Variants in CALD1 observed in about 807,000 individuals in gnomAD.
CALD1 encodes the protein caldesmon.
CALD1 carries 33 observed loss-of-function variants against 99.9 expected under a neutral mutation model. The ratio of observed to expected loss-of-function variants is 0.33; its 90% CI spans 0.25 to 0.44. The LOEUF is 0.44. Among genes scored for constraint, CALD1 ranks in the 20% least tolerant of loss-of-function variants. The probability of loss-of-function intolerance (pLI) is 1.00; values close to 1 mark genes in which losing one functional copy is unlikely to be tolerated. For missense variants in CALD1, 861 were observed against 962.1 expected (o/e 0.89, Z 1.39); for synonymous variants, 310 against 325.0 (o/e 0.95, Z 0.50).
At chr7:134,803,820 T>G (rs1798036214) in intron 1 of CALD1, among the ~76,000 whole-genome samples, 1 of 151,976 alleles carries the variant, frequency 6.6e-6, no homozygotes. Flanking sequence ...CTCAGCCTCC[T>G]GAATAGCTGG....
At chr7:134,804,158 C>T (rs1041548395) in intron 1 of CALD1, among the ~76,000 whole-genome samples, 1 of 152,192 alleles carries the variant, frequency 6.6e-6, no homozygotes, top group Admixed American at 6.5e-5. Context: ...CATACAATCT[C>T]CCCGTTCAAT....
chr7:134,826,051 AT>A (rs991330331), intron 1 of CALD1, among the ~76,000 whole-genome samples: 2 of 151,224 alleles, frequency 1.3e-5, no homozygotes, highest in South Asian at 2.1e-4. Context: ...TACTGTTTAT[AT>A]AAAAAAAACT....
chr7:134,925,953 C>A (rs73454264), intron 3 of CALD1, among the ~76,000 whole-genome samples: 5,649 of 152,228 alleles, frequency 0.037, 320 homozygotes, highest in African/African-American at 0.13. Flanking sequence ...TTGATTCTCC[C>A]TGTTGCGGTT....
At chr7:134,917,710 T>A (rs551336307) in intron 3 of CALD1, among the ~76,000 whole-genome samples, 112 of 152,316 alleles carry the variant, frequency 7.4e-4, no homozygotes, top group African/African-American at 2.6e-3. Context: ...AGGTTGGGGA[T>A]GAAGAAAAGG....
At chr7:134,967,290 T>A (rs1808746773) in intron 14 of CALD1, among the ~76,000 whole-genome samples, 1 of 140,074 alleles carries the variant, frequency 7.1e-6, no homozygotes, top group African/African-American at 2.5e-5. Context: ...AGTAATAATA[T>A]AACCACCAGA....
chr7:134,774,895 A>C (rs867772042), upstream of CALD1, among the ~76,000 whole-genome samples: 1 of 152,088 alleles, frequency 6.6e-6, no homozygotes, highest in African/African-American at 2.4e-5. Flanking sequence ...TTGCTTTACT[A>C]TCAGTCTGGA....
chr7:134,853,876 CGACAGGTCCCAGTGTGTGATGTT>C (rs1800186499), intron 2 of CALD1, among the ~76,000 whole-genome samples: 1 of 140,742 alleles, frequency 7.1e-6, no homozygotes, highest in African/African-American at 2.7e-5. Flanking sequence ...ACCCCCACCC[CGACAGGTCCCAGTGTGTGATGTT>C]CCCCTCCCTG....
chr7:134,713,922 T>C, the CALD1 span, among the ~76,000 whole-genome samples: 1 of 152,142 alleles, frequency 6.6e-6, no homozygotes, highest in Non-Finnish European at 1.5e-5. Flanking sequence ...CAGGTCAACT[T>C]GTAATCCCCA....
At chr7:134,918,900 G>A (rs116506854) in intron 3 of CALD1, among the ~76,000 whole-genome samples, 231 of 152,298 alleles carry the variant, frequency 1.5e-3, no homozygotes, top group African/African-American at 5.3e-3. Flanking sequence ...GGGGGCTGAG[G>A]TGGGTGGATC....
rs1289697937 is a variant in CALD1, at chr7:134,779,669, G to T, written c.-210G>T. ...CGGCTGCCTGCCTGCCCGCCTGCTTGCTCTCTGGCTGTGCTCCTGCTTAAA... is the reference window on the plus strand; with the variant it reads ...CGGCTGCCTGCCTGCCCGCCTGCTTTCTCTCTGGCTGTGCTCCTGCTTAAA... On this transcript the variant is annotated 5_prime_UTR_variant, in exon 1 of 15. Coordinates refer to ENST00000361675, the MANE Select transcript of CALD1 (RefSeq NM_033138.4). 4 of 398,780 alleles carry T rather than the reference G, an allele frequency of 1.0e-5. No homozygotes were observed. The highest frequency in any genetic ancestry group is 1.8e-5 in the Non-Finnish European group (4 of 226,226). 24.7% of individuals were successfully genotyped at this position (398,780 alleles called of 1,614,324 possible).
intron 1 of CALD1, among the ~76,000 whole-genome samples, chr7:134,808,076 A>C (rs1163990173): frequency 6.6e-6 from 1 of 150,952 alleles, no homozygotes; most frequent in Admixed American, 6.6e-5. Flanking sequence ...AGCCTGTTCC[A>C]TACATTTGGT....
chr7:134,766,435 C>T (rs1411600681), intron 1 of CALD1, among the ~76,000 whole-genome samples: 6 of 152,066 alleles, frequency 3.9e-5, no homozygotes, highest in Middle Eastern at 3.2e-3. Flanking sequence ...CATGAGCCAC[C>T]GCACCCGGCC....
chr7:134,960,851 T>C, intron 13 of CALD1: 3 of 369,800 alleles, frequency 8.1e-6, no homozygotes, highest in Non-Finnish European at 1.5e-5. Flanking sequence ...CTCTACACCC[T>C]AACTGAGAGG....
the CALD1 span, among the ~76,000 whole-genome samples, chr7:134,730,152 A>G: frequency 1.3e-5 from 2 of 152,058 alleles, no homozygotes; most frequent in Non-Finnish European, 2.9e-5. Flanking sequence ...CCAAACCAGG[A>G]TTCAAATCCT....
chr7:134,753,023 CAAAAAAAAACAA>C (rs1562988968), intron 1 of CALD1, among the ~76,000 whole-genome samples: 6 of 48,650 alleles, frequency 1.2e-4, no homozygotes, highest in East Asian at 5.8e-3. Context: ...AAAAAAAAAA[CAAAAAAAAACAA>C]AAAAAAAAAA....
At chr7:134,950,891 A>C (rs1004934685) in intron 9 of CALD1, among the ~76,000 whole-genome samples, 1 of 152,204 alleles carries the variant, frequency 6.6e-6, no homozygotes, top group Non-Finnish European at 1.5e-5. Context: ...CCCAGGAGGC[A>C]GAGGTTGCAG....
chr7:134,914,440 A>C (rs532241304), intron 3 of CALD1, among the ~76,000 whole-genome samples: 1 of 152,272 alleles, frequency 6.6e-6, no homozygotes, highest in East Asian at 1.9e-4. Flanking sequence ...GAGTGAAATG[A>C]AACACCTGGA....
chr7:134,748,708 T>TACC (rs1562988094), intron 1 of CALD1, among the ~76,000 whole-genome samples: 1 of 132,272 alleles, frequency 7.6e-6, no homozygotes, highest in East Asian at 2.3e-4. Flanking sequence ...TGAAACTCCA[T>TACC]CCCCCCGCCC....
the CALD1 span, among the ~76,000 whole-genome samples, chr7:134,733,417 C>T: frequency 6.6e-6 from 1 of 152,172 alleles, no homozygotes; most frequent in African/African-American, 2.4e-5. Flanking sequence ...TTCAGAATTC[C>T]CAAATCCTCT....
Sources: gnomAD v4.1 joint callset for allele counts (sites outside exome capture counted in the v4.1 genomes callset) on GRCh38, gnomAD v4.1.1 for gene constraint, MANE v1.5 for transcripts, NCBI Gene and HGNC (gene_info 2026-07-23, HGNC 2026-07-21) for gene names.